Variants in CACNA2D4 observed in about 807,000 individuals in gnomAD.
CACNA2D4 encodes the protein voltage-dependent calcium channel subunit alpha-2/delta-4.
A neutral mutation model predicts 163.8 loss-of-function variants in CACNA2D4; 157 were observed. The observed-to-expected ratio is 0.96, with a 90% CI of 0.84 to 1.09. The LOEUF (loss-of-function observed/expected upper bound fraction) is 1.09. Among genes scored for constraint, CACNA2D4 ranks in the 50% least tolerant of loss-of-function variants. The pLI, the probability that CACNA2D4 is intolerant of heterozygous loss-of-function variation, is 0.00. For synonymous variants in CACNA2D4, 598 were observed against 586.9 expected (o/e 1.02, Z -0.27); for missense variants, 1,410 against 1,479.9 (o/e 0.95, Z 0.78).
intron 13 of CACNA2D4, among the ~76,000 whole-genome samples, chr12:1,880,459 A>C (rs1865970391): frequency 6.6e-6 from 1 of 152,254 alleles, no homozygotes; most frequent in Non-Finnish European, 1.5e-5. Flanking sequence ...ACAGCACCAG[A>C]GCCAAACCCT....
chr12:1,882,815 G>C, intron 13 of CACNA2D4, 52 bp downstream of exon 13: 1 of 1,602,444 alleles, frequency 6.2e-7, no homozygotes, highest in Non-Finnish European at 8.5e-7. Context: ...ACTCCCTGGG[G>C]TCCCTAACTC....
chr12:1,881,248 G>A (rs1026694082), intron 13 of CACNA2D4, among the ~76,000 whole-genome samples: 2 of 152,198 alleles, frequency 1.3e-5, no homozygotes, highest in Non-Finnish European at 2.9e-5. Context: ...TGTGTGCGTG[G>A]AGGTAAGAGA....
At position 1,918,566 on chromosome 12, in the gene CACNA2D4, T is replaced by TGGGGACTGA; in HGVS notation, c.-94_-93insTCAGTCCCC. ...CCTGGGGTCTCCAGCCTCTCAGTCCTGGGTGGGGAGGGCTTCTCTCTGCCC... is the reference window on the plus strand; with the variant it reads ...CCTGGGGTCTCCAGCCTCTCAGTCCTGGGGACTGAGGGTGGGGAGGGCTTCTCTCTGCCC... On this transcript the variant is annotated 5_prime_UTR_variant, in exon 1 of 38. Transcript: ENST00000382722. The TGGGGACTGA allele has an allele frequency of 1.0e-6, 1 of 972,172 alleles. No homozygotes were observed. Among genetic ancestry groups the TGGGGACTGA allele is most frequent in the Non-Finnish European group, 1.5e-6 (1 of 648,656 alleles). The allele number at this position is 972,172 out of a possible 1,614,324, so 60.2% of individuals were successfully genotyped here. A position where few individuals can be genotyped will look rare whatever the true frequency, so the allele number is the denominator to read the frequency against.
intron 18 of CACNA2D4, among the ~76,000 whole-genome samples, chr12:1,866,020 A>C (rs952907181): frequency 1.3e-5 from 2 of 152,152 alleles, no homozygotes; most frequent in Admixed American, 1.3e-4. Flanking sequence ...TTCTTGCCTT[A>C]CTGCAGGGGC....
At chr12:1,839,835 G>T (rs1864971862) in intron 26 of CACNA2D4, among the ~76,000 whole-genome samples, 2 of 152,018 alleles carry the variant, frequency 1.3e-5, no homozygotes, top group South Asian at 4.1e-4. Flanking sequence ...AAGAGGCAGG[G>T]CATCTTGGTG....
At chr12:1,861,432 T>G (rs1388479621) in intron 18 of CACNA2D4, among the ~76,000 whole-genome samples, 1 of 150,840 alleles carries the variant, frequency 6.6e-6, no homozygotes, top group African/African-American at 2.5e-5. Flanking sequence ...GGAGATCATT[T>G]TTTTATTTTT....
rs398124553 is a variant in CACNA2D4, at chr12:1,887,058, T to A, written c.793A>T (p.Thr265Ser). ...GTAATGACTCCATTCTCATCAGGTG[T>A]CCATTTTATACCTGGGAGAATAAAG... ...FFRIYPGIKW[T>S]PDENGVITFD... Residue 265 changes from threonine to serine, a missense_variant, in exon 7 of 38, where the codon ACA becomes TCA. Physicochemically the swap from Thr to Ser is moderately conservative, Grantham distance 58 (BLOSUM62 1). Coordinates refer to ENST00000382722, the MANE Select transcript of CACNA2D4 (RefSeq NM_172364.5). 2 of 1,588,588 alleles carry A rather than the reference T, an allele frequency of 1.3e-6. No homozygotes were observed. Among genetic ancestry groups the A allele is most frequent in the Non-Finnish European group, 1.7e-6 (2 of 1,164,842 alleles).
rs1461206070 is a variant in CACNA2D4, at chr12:1,853,847, G to C, written c.2246+104C>G. 3.7e-6 allele frequency: 3 copies of C among 820,266 alleles called. No homozygotes were observed. In the East Asian group the frequency reaches 8.0e-5, roughly 22 times the overall value. The allele number at this position is 820,266 out of a possible 1,614,324, so 50.8% of individuals were successfully genotyped here. The stretch of plus-strand genomic sequence containing the variant: ...ACTTAATCTTAGGCCAAAGGACGTG[G>C]GTTCTCTCCTGAGCCACCAGCCAGA... On this transcript the variant is annotated intron_variant, in intron 23 of 37. Coordinates refer to ENST00000382722, the MANE Select transcript of CACNA2D4 (RefSeq NM_172364.5).
At chr12:1,904,449 T>A (rs1866608686) in intron 6 of CACNA2D4, among the ~76,000 whole-genome samples, 1 of 152,072 alleles carries the variant, frequency 6.6e-6, no homozygotes, top group African/African-American at 2.4e-5. Flanking sequence ...TATTACACAT[T>A]GTATGCCTAT....
chr12:1,914,479 C>T (rs1012287176), intron 2 of CACNA2D4, among the ~76,000 whole-genome samples: 4 of 152,132 alleles, frequency 2.6e-5, no homozygotes, highest in African/African-American at 9.7e-5. Context: ...GAGCAGCTTC[C>T]AGGGCCCTGC....
At chr12:1,893,983 T>A (rs1866345314) in intron 6 of CACNA2D4, among the ~76,000 whole-genome samples, 1 of 151,878 alleles carries the variant, frequency 6.6e-6, no homozygotes. Context: ...TTGAAAAAGA[T>A]AAAACCAATA....
intron 9 of CACNA2D4, among the ~76,000 whole-genome samples, chr12:1,885,479 C>G (rs1025848851): frequency 4.6e-5 from 7 of 152,276 alleles, no homozygotes; most frequent in African/African-American, 1.4e-4. Context: ...TCAAGAGGAA[C>G]TCAAACCCCA....
intron 1 of CACNA2D4, 123 bp downstream of exon 1, chr12:1,918,124 C>G (rs547942814): frequency 1.4e-6 from 1 of 728,406 alleles, no homozygotes; most frequent in Non-Finnish European, 2.4e-6. Flanking sequence ...GTCGCAGCCA[C>G]TGGGGAAAAG....
chr12:1,811,848 A>G lies in CACNA2D4; in HGVS notation c.2552-125T>C, dbSNP rs1020645713. ...GAGAGAGACCGCAGCGGATGGGAGGACTGAGTCAGAGGGCAGAGTGCAAAC... is the reference window on the plus strand; with the variant it reads ...GAGAGAGACCGCAGCGGATGGGAGGGCTGAGTCAGAGGGCAGAGTGCAAAC... On this transcript the variant is annotated intron_variant, in intron 26 of 37. Coordinates refer to ENST00000382722, the MANE Select transcript of CACNA2D4 (RefSeq NM_172364.5). 6 of 912,620 alleles carry G rather than the reference A, an allele frequency of 6.6e-6. No individual in the cohort carries two copies. The Admixed American group carries it at 1.3e-4, about 20-fold the overall frequency. The allele number at this position is 912,620 out of a possible 1,614,324, so 56.5% of individuals were successfully genotyped here. A position where few individuals can be genotyped will look rare whatever the true frequency, so the allele number is the denominator to read the frequency against.
Position 1,918,376 on chromosome 12 carries a change from C to T in CACNA2D4, c.98G>A (p.Arg33His), listed in dbSNP as rs369668064. ...GGGCATTGGCTGGAGGGGAATCCAG[C>T]GGCTGCTGGAGCTGGGGTTTGCGAG... is the stretch of plus-strand genomic sequence containing the variant. ...NFLANPSSSS[R>H]WIPLQPMPVA... The change falls in exon 1 of 38, where the codon CGC (arginine) becomes CAC (histidine). Residue 33 changes from arginine (R) to histidine (H), a missense_variant. Physicochemically the swap from Arg to His is conservative, Grantham distance 29 (BLOSUM62 0). Transcript: ENST00000382722. 54 of 1,603,468 alleles carry T rather than the reference C, an allele frequency of 3.4e-5. No homozygotes were observed. Among genetic ancestry groups the T allele is most frequent in the South Asian group, 1.6e-4 (14 of 89,230 alleles).
rs1042195449 is a variant in CACNA2D4 at position 1,847,165 on chromosome 12, T to C, written c.2247-476A>G. ...ACTGCATACACCCACCCAGGAGAAG[T>C]CCCAACGGACCTCATAACCTTGCCG... On this transcript the variant is annotated intron_variant, in intron 23 of 37. Coordinates refer to ENST00000382722, the MANE Select transcript of CACNA2D4 (RefSeq NM_172364.5). Among the ~76,000 whole-genome samples, 17 of 152,064 alleles carry C rather than the reference T, an allele frequency of 1.1e-4. No individual in the cohort carries two copies. In the Middle Eastern group the frequency reaches 0.01, roughly 91 times the overall value.
rs759098288 is a variant in CACNA2D4 at position 1,918,387 on chromosome 12, G to A, written c.87C>T (p.Ser29=). 6.2e-7 allele frequency: 1 copy of A among 1,601,158 alleles called. No individual in the cohort carries two copies. The change falls in exon 1 of 38, where the codon AGC becomes AGT. Residue 29 remains serine, a synonymous_variant. Transcript: ENST00000382722. The part of the protein sequence containing the change: ...PATPNFLANP[S]SSSRWIPLQP... ...GGAGGGGAATCCAGCGGCTGCTGGA[G>A]CTGGGGTTTGCGAGGAAGTTGGGAG...
rs376579241 is a variant in CACNA2D4 at position 1,884,188 on chromosome 12, C to A, written c.1351+55G>T. 3.8e-5 allele frequency: 59 copies of A among 1,536,740 alleles called. 1 individual carries two copies. The highest frequency in any genetic ancestry group is 1.2e-4 in the Admixed American group (7 of 56,298). On this transcript the variant is annotated intron_variant, in intron 12 of 37. Transcript: ENST00000382722. ...CTCAGCACTTCCAGGGCTGGGTAAC[C>A]CTGTCTCCTGTGCTCAGGTGCAGGT... is the stretch of plus-strand genomic sequence containing the variant.
intron 29 of CACNA2D4, among the ~76,000 whole-genome samples, chr12:1,808,989 C>T (rs560269888): frequency 2.8e-4 from 43 of 152,278 alleles, no homozygotes; most frequent in African/African-American, 9.4e-4. Context: ...TGCAAAGCCC[C>T]GCCCACACTC....
Sources: allele counts gnomAD v4.1 joint callset (sites outside exome capture counted in the v4.1 genomes callset), GRCh38; gene constraint gnomAD v4.1.1; transcripts MANE v1.5; gene names NCBI Gene and HGNC (gene_info 2026-07-23, HGNC 2026-07-21).